The following EXOC4 variants were observed in gnomAD, a reference collection of about 807,000 sequenced individuals.
The protein encoded by EXOC4 is SEC8-like 1.
Under a neutral mutation model 107.2 loss-of-function variants are expected in EXOC4, and 71 were observed. That is an observed-to-expected ratio of 0.66 (90% CI 0.55 to 0.81). The LOEUF is 0.81. Among genes scored for constraint, EXOC4 ranks in the 30% least tolerant of loss-of-function variants. The probability of loss-of-function intolerance (pLI) is 0.00; values close to 1 mark genes in which losing one functional copy is unlikely to be tolerated. For missense variants in EXOC4, 1,108 were observed against 1,189.6 expected (o/e 0.93, Z 1.01); for synonymous variants, 456 against 441.2 (o/e 1.03, Z -0.42).
intron 10 of EXOC4, among the ~76,000 whole-genome samples, chr7:133,781,489 G>A (rs896016583): frequency 3.3e-5 from 5 of 152,254 alleles, no homozygotes; most frequent in African/African-American, 9.6e-5. Context: ...ATATCAGTTA[G>A]TCTCTGGGTT....
chr7:133,569,783 T>C (rs1800981119), intron 9 of EXOC4, among the ~76,000 whole-genome samples: 1 of 152,192 alleles, frequency 6.6e-6, no homozygotes, highest in Non-Finnish European at 1.5e-5. Context: ...AATATTATTC[T>C]TTTCCTTCGT....
At chr7:133,303,901 T>TA (rs2150565493) in intron 3 of EXOC4, among the ~76,000 whole-genome samples, 1 of 152,346 alleles carries the variant, frequency 6.6e-6, no homozygotes, top group East Asian at 1.9e-4. Context: ...TAGGTACTGT[T>TA]AAAAATAATT....
intron 10 of EXOC4, among the ~76,000 whole-genome samples, chr7:133,783,205 T>G (rs1297883891): frequency 6.6e-6 from 1 of 150,766 alleles, no homozygotes; most frequent in Non-Finnish European, 1.5e-5. Context: ...CTTGAAAACT[T>G]TACTTTTTTA....
chr7:133,475,701 C>T (rs533119521), intron 8 of EXOC4, among the ~76,000 whole-genome samples: 13 of 152,190 alleles, frequency 8.5e-5, no homozygotes, highest in Admixed American at 7.9e-4. Context: ...ATTTCTTGAA[C>T]TTGTTTCAGG....
chr7:133,704,904 C>T (rs73724716), intron 10 of EXOC4, among the ~76,000 whole-genome samples: 2,585 of 152,234 alleles, frequency 0.017, 70 homozygotes, highest in African/African-American at 0.059. Context: ...ATTAGGGTTG[C>T]TCAACATGTT....
chr7:133,824,039 C>G (rs1797639612), intron 11 of EXOC4, among the ~76,000 whole-genome samples: 1 of 147,700 alleles, frequency 6.8e-6, no homozygotes, highest in South Asian at 2.2e-4. Context: ...TGGAATCAGA[C>G]ACAAATGGAT....
chr7:133,620,005 TGTG>T (rs1802288123), intron 9 of EXOC4, among the ~76,000 whole-genome samples: 3 of 151,096 alleles, frequency 2.0e-5, no homozygotes, highest in Non-Finnish European at 4.4e-5. Flanking sequence ...TGTGTGTGTG[TGTG>T]TTTGTTTTTT....
chr7:133,972,635 C>A (rs1801269035), intron 14 of EXOC4, among the ~76,000 whole-genome samples: 1 of 152,122 alleles, frequency 6.6e-6, no homozygotes, highest in Non-Finnish European at 1.5e-5. Context: ...ATTTACATAT[C>A]TTTATATTGA....
intron 7 of EXOC4, among the ~76,000 whole-genome samples, chr7:133,376,671 A>C (rs1052578349): frequency 1.3e-5 from 2 of 152,228 alleles, no homozygotes; most frequent in East Asian, 1.9e-4. Context: ...CTGTGAGCTG[A>C]ATGAAGATTT....
At chr7:134,006,749 C>A (rs1421459357) in intron 16 of EXOC4, among the ~76,000 whole-genome samples, 1 of 152,058 alleles carries the variant, frequency 6.6e-6, no homozygotes, top group Non-Finnish European at 1.5e-5. Context: ...CTGCTAGCAT[C>A]CAAGAATAAG....
At chr7:133,305,787 T>G in intron 3 of EXOC4, 90 bp from the exon 4 acceptor site, 3 of 1,050,736 alleles carry the variant, frequency 2.9e-6, no homozygotes, top group Non-Finnish European at 2.7e-6. Flanking sequence ...GCTCCCTTTG[T>G]TAGTATCTTT....
intron 7 of EXOC4, among the ~76,000 whole-genome samples, chr7:133,392,715 C>G (rs1404583347): frequency 6.6e-6 from 1 of 152,172 alleles, no homozygotes; most frequent in Non-Finnish European, 1.5e-5. Flanking sequence ...TATGCTGTGA[C>G]AGTGGTGTGT....
intron 14 of EXOC4, among the ~76,000 whole-genome samples, chr7:133,971,867 G>A (rs990131648): frequency 6.6e-6 from 1 of 152,208 alleles, no homozygotes; most frequent in African/African-American, 2.4e-5. Flanking sequence ...CCGCAGTCAG[G>A]CCTGCTTATC....
chr7:133,803,875 A>G (rs1395085347), intron 10 of EXOC4, among the ~76,000 whole-genome samples: 1 of 152,226 alleles, frequency 6.6e-6, no homozygotes, highest in Non-Finnish European at 1.5e-5. Flanking sequence ...ACTATAAAGA[A>G]TTTAACACAG....
chr7:133,786,282 G>A (rs1585143945), intron 10 of EXOC4, among the ~76,000 whole-genome samples: 1 of 152,266 alleles, frequency 6.6e-6, no homozygotes, highest in African/African-American at 2.4e-5. Flanking sequence ...ACAAGACCCA[G>A]TTATCGCTAA....
intron 9 of EXOC4, chr7:133,601,728 C>T (rs1008603642): frequency 7.9e-5 from 12 of 152,254 alleles, no homozygotes; most frequent in African/African-American, 2.9e-4. Context: ...TGTGCTCTCA[C>T]CAGCCACAGT....
intron 13 of EXOC4, among the ~76,000 whole-genome samples, chr7:133,934,332 C>T (rs1231466615): frequency 6.6e-6 from 1 of 152,198 alleles, no homozygotes; most frequent in Non-Finnish European, 1.5e-5. Flanking sequence ...CTGTCAATCA[C>T]TTATTCTCTG....
In EXOC4 at chr7:134,064,802, A is replaced by G. The variant is rs1486981469; in HGVS notation, c.*274A>G. 4.4e-6 allele frequency: 1 copy of G among 228,982 alleles called. No individual in the cohort carries two copies. Among genetic ancestry groups the G allele is most frequent in the Non-Finnish European group, 8.4e-6 (1 of 118,574 alleles). 14.2% of individuals were successfully genotyped at this position (228,982 alleles called of 1,614,324 possible). A position where few individuals can be genotyped will look rare whatever the true frequency, so the allele number is the denominator to read the frequency against. On this transcript the variant is annotated 3_prime_UTR_variant, in exon 18 of 18. Transcript: ENST00000253861. ...GAGGAAGGTGGTATCAAATTGTTGG[A>G]CTCTGAAAAACAAGTGGATGGATTA...
chr7:133,420,268 A>T (rs376358248), intron 7 of EXOC4, among the ~76,000 whole-genome samples: 1 of 149,300 alleles, frequency 6.7e-6, no homozygotes, highest in Non-Finnish European at 1.5e-5. Flanking sequence ...ATGATTTCCA[A>T]TTTCATCCAT....
Sources: allele counts gnomAD v4.1 joint callset (sites outside exome capture counted in the v4.1 genomes callset), GRCh38; gene constraint gnomAD v4.1.1; transcripts MANE v1.5; gene names NCBI Gene and HGNC (gene_info 2026-07-23, HGNC 2026-07-21).